SLC10A7: variants seen among roughly 807,000 people sequenced by gnomAD.
SLC10A7 encodes sodium/bile acid cotransporter 7.
SLC10A7 carries 29 observed loss-of-function variants against 43.2 expected under a neutral mutation model. That is an observed-to-expected ratio of 0.67 (90% CI 0.50 to 0.92). The LOEUF (loss-of-function observed/expected upper bound fraction) is 0.92. SLC10A7 is among the 40% of genes least tolerant of loss of function. The pLI is 0.00. For synonymous variants in SLC10A7, 152 were observed against 144.8 expected (o/e 1.05, Z -0.35); for missense variants, 295 against 403.2 (o/e 0.73, Z 2.30).
At chr4:146,464,711 C>G (rs1347716691) in intron 4 of SLC10A7, among the ~76,000 whole-genome samples, 1 of 151,224 alleles carries the variant, frequency 6.6e-6, no homozygotes, top group Non-Finnish European at 1.5e-5. Flanking sequence ...GAATCTATGA[C>G]AGTCATTATC....
At chr4:146,427,683 A>C (rs1729472584) in intron 5 of SLC10A7, among the ~76,000 whole-genome samples, 1 of 152,172 alleles carries the variant, frequency 6.6e-6, no homozygotes, top group Non-Finnish European at 1.5e-5. Context: ...AAAAGAGGGA[A>C]AAGAAACATT....
intron 5 of SLC10A7, among the ~76,000 whole-genome samples, chr4:146,350,574 G>T (rs1393687361): frequency 7.0e-6 from 1 of 142,208 alleles, no homozygotes; most frequent in Non-Finnish European, 1.5e-5. Context: ...CCACCTCTGG[G>T]GGCAGGGCAC....
At chr4:146,293,491 T>C (rs1730577572) in intron 8 of SLC10A7, among the ~76,000 whole-genome samples, 1 of 152,162 alleles carries the variant, frequency 6.6e-6, no homozygotes, top group African/African-American at 2.4e-5. Flanking sequence ...TATTAGAAAA[T>C]ATGATGTAAA....
chr4:146,298,899 A>C (rs1290433573), intron 7 of SLC10A7, among the ~76,000 whole-genome samples: 1 of 152,212 alleles, frequency 6.6e-6, no homozygotes, highest in Non-Finnish European at 1.5e-5. Flanking sequence ...GTGTGCAGCC[A>C]AGCAGTGAGG....
chr4:146,501,538 A>G (rs1040812765), intron 4 of SLC10A7, among the ~76,000 whole-genome samples: 1 of 152,204 alleles, frequency 6.6e-6, no homozygotes, highest in African/African-American at 2.4e-5. Context: ...TGCTGTGGCA[A>G]GTGAAAATGT....
chr4:146,459,854 C>A (rs1197853849), intron 4 of SLC10A7, among the ~76,000 whole-genome samples: 1 of 151,752 alleles, frequency 6.6e-6, no homozygotes, highest in East Asian at 1.9e-4. Context: ...ACTTCATTGT[C>A]CTTCAAAGTC....
intron 5 of SLC10A7, among the ~76,000 whole-genome samples, chr4:146,417,086 T>C (rs570618865): frequency 6.6e-6 from 1 of 152,340 alleles, no homozygotes; most frequent in South Asian, 2.1e-4. Context: ...ATTTTAGTTG[T>C]TGTATTCCCT....
intron 4 of SLC10A7, among the ~76,000 whole-genome samples, chr4:146,468,583 C>A (rs986679488): frequency 1.3e-5 from 2 of 151,416 alleles, no homozygotes; most frequent in Non-Finnish European, 2.9e-5. Context: ...AAGTCTCCTG[C>A]CTCAGCCCCC....
At chr4:146,272,509 C>G (rs187514003) in intron 10 of SLC10A7, among the ~76,000 whole-genome samples, 23 of 152,246 alleles carry the variant, frequency 1.5e-4, no homozygotes, top group Non-Finnish European at 3.1e-4. Flanking sequence ...CAGCTGTAGG[C>G]TCATGTATTC....
chr4:146,504,964 A>C (rs1736765215), intron 3 of SLC10A7, among the ~76,000 whole-genome samples: 1 of 152,208 alleles, frequency 6.6e-6, no homozygotes, highest in Non-Finnish European at 1.5e-5. Context: ...ATGAGTAATA[A>C]ATTTAAGTAC....
At chr4:146,503,222 GA>G (rs1406370942) in intron 4 of SLC10A7, among the ~76,000 whole-genome samples, 4 of 152,090 alleles carry the variant, frequency 2.6e-5, no homozygotes, top group Non-Finnish European at 5.9e-5. Flanking sequence ...AATATAAGTA[GA>G]AAAGGAGAAA....
At chr4:146,438,499 A>G (rs1390133794) in intron 5 of SLC10A7, among the ~76,000 whole-genome samples, 1 of 152,046 alleles carries the variant, frequency 6.6e-6, no homozygotes, top group Non-Finnish European at 1.5e-5. Flanking sequence ...AATTCTTATT[A>G]GTACATCTAT....
At chr4:146,290,292 C>G (rs1437668271) in intron 9 of SLC10A7, among the ~76,000 whole-genome samples, 1 of 143,488 alleles carries the variant, frequency 7.0e-6, no homozygotes, top group South Asian at 2.3e-4. Context: ...CCACTGCACT[C>G]CAGCCTGGGC....
intron 4 of SLC10A7, among the ~76,000 whole-genome samples, chr4:146,445,956 G>T (rs1457707541): frequency 5.9e-5 from 9 of 151,796 alleles, no homozygotes; most frequent in Admixed American, 5.9e-4. Context: ...CTGAGTCTGG[G>T]GTTTGCAGTT....
chr4:146,372,567 C>T (rs1736874333), intron 5 of SLC10A7, among the ~76,000 whole-genome samples: 1 of 152,052 alleles, frequency 6.6e-6, no homozygotes, highest in Non-Finnish European at 1.5e-5. Context: ...TCATATTGCC[C>T]ACTAAGTAAA....
chr4:146,454,437 G>A, intron 4 of SLC10A7, among the ~76,000 whole-genome samples: 1 of 151,824 alleles, frequency 6.6e-6, no homozygotes. Flanking sequence ...ATACTGGACA[G>A]CAGTAAAGCC....
intron 9 of SLC10A7, among the ~76,000 whole-genome samples, chr4:146,286,052 A>AAGGACTGTGTTTGGAGTGGTGAG (rs1729898935): frequency 2.1e-4 from 13 of 61,254 alleles, no homozygotes; most frequent in Non-Finnish European, 3.5e-4. Context: ...GGAGTGGTGA[A>AAGGACTGTGTTTGGAGTGGTGAG]AAGGACTGTG....
intron 10 of SLC10A7, among the ~76,000 whole-genome samples, chr4:146,274,934 C>T (rs1373879836): frequency 6.6e-6 from 1 of 152,188 alleles, no homozygotes; most frequent in South Asian, 2.1e-4. Context: ...GAAACTGGTT[C>T]CTACTGTCAT....
At chr4:146,371,430 G>A (rs533104987) in intron 5 of SLC10A7, among the ~76,000 whole-genome samples, 2 of 152,170 alleles carry the variant, frequency 1.3e-5, no homozygotes, top group Admixed American at 1.3e-4. Context: ...ATGAGAGAGG[G>A]GGCCAAATAA....
Sources: allele counts gnomAD v4.1 joint callset (sites outside exome capture counted in the v4.1 genomes callset), GRCh38; gene constraint gnomAD v4.1.1; transcripts MANE v1.5; gene names NCBI Gene and HGNC (gene_info 2026-07-23, HGNC 2026-07-21).